Variants in NEBL observed in about 807,000 individuals in gnomAD.
The protein encoded by NEBL is nebulette, also known as LIM and SH3 protein 2.
Under a neutral mutation model 140.2 loss-of-function variants are expected in NEBL, and 122 were observed. The observed-to-expected ratio is 0.87, with a 90% confidence interval of 0.75 to 1.01. The LOEUF (loss-of-function observed/expected upper bound fraction) is 1.01, where lower values mean the gene tolerates loss of function less well. Ranked by LOEUF, NEBL falls within the 50% of genes least tolerant of loss-of-function variation. The pLI is 0.00. For missense variants in NEBL, 1,365 were observed against 1,231.3 expected, an observed-to-expected ratio of 1.11 and a Z score of -1.62; for synonymous variants, 436 against 398.9, an observed-to-expected ratio of 1.09 and a Z score of -1.11.
chr10:20,803,653 CTG>C, intron 26 of NEBL, among the ~76,000 whole-genome samples: 2 of 152,012 alleles, frequency 1.3e-5, no homozygotes, highest in Middle Eastern at 3.4e-3. Context: ...ATATGATTGA[CTG>C]TTACTGTTAA....
chr10:21,072,755 C>T (rs1835878040), intron 2 of NEBL, among the ~76,000 whole-genome samples: 1 of 152,196 alleles, frequency 6.6e-6, no homozygotes. Flanking sequence ...CTTTGGGAGG[C>T]TGAGGCCGGT....
At chr10:20,818,041 G>A (rs1234168374) in intron 20 of NEBL, among the ~76,000 whole-genome samples, 1 of 152,106 alleles carries the variant, frequency 6.6e-6, no homozygotes, top group Non-Finnish European at 1.5e-5. Context: ...TCCATTCCCT[G>A]TCACCCTAGA....
chr10:21,202,230 G>A (rs1226645618), intron 3 of NEBL, among the ~76,000 whole-genome samples: 1 of 151,936 alleles, frequency 6.6e-6, no homozygotes. Context: ...TAGATGATAG[G>A]TAATTTTAAA....
intron 2 of NEBL, chr10:21,070,111 G>T: frequency 7.6e-6 from 3 of 393,172 alleles, no homozygotes; most frequent in Non-Finnish European, 1.5e-5. Flanking sequence ...GCTGCAGGGG[G>T]ACTTTTCGGG....
intron 1 of NEBL, among the ~76,000 whole-genome samples, chr10:21,264,830 G>A (rs999279360): frequency 6.6e-6 from 1 of 150,524 alleles, no homozygotes; most frequent in Non-Finnish European, 1.5e-5. Context: ...AGCAGATTCA[G>A]TGTCTGGAAA....
At chr10:21,179,751 A>G (rs11012560), upstream of NEBL, among the ~76,000 whole-genome samples, 27,866 of 151,850 alleles carry the variant, frequency 0.18, 2,760 homozygotes, top group East Asian at 0.36. Flanking sequence ...AGATCAGAGA[A>G]AGAGATTTGA....
intron 2 of NEBL, among the ~76,000 whole-genome samples, chr10:21,105,371 G>A (rs576438407): frequency 6.6e-6 from 1 of 151,940 alleles, no homozygotes; most frequent in East Asian, 1.9e-4. Context: ...AGTGTGTGAT[G>A]TTTCCCACCC....
chr10:21,080,999 C>T (rs141761525), intron 2 of NEBL, among the ~76,000 whole-genome samples: 14,729 of 152,120 alleles, frequency 0.097, 780 homozygotes, highest in Non-Finnish European at 0.12. Flanking sequence ...GGTCTACAGG[C>T]ATGCACCACC....
Position 21,014,152 on chromosome 10 carries a change from C to T in NEBL, c.249+5965G>A, listed in dbSNP as rs2131748156. 2.6e-5 allele frequency among the ~76,000 whole-genome samples: 4 copies of T among 152,184 alleles called. No homozygotes were observed. In the South Asian group the frequency reaches 8.3e-4, roughly 32 times the overall value. ...ATTAATATTATTTTAGATTTAGGGT[C>T]TCACTCTGTCACCCAGGCTGGAGTG... On this transcript the variant is annotated intron_variant, in intron 3 of 6. Coordinates refer to the NEBL transcript ENST00000417816.
rs558716446 is a variant in NEBL at position 20,780,914 on chromosome 10, T to C, written c.*4833A>G. Reference sequence around the variant, plus strand: ...TTTAAACAAATATTAATGTTAATGATTAGGGTAGCCTTGAAGGGTTTGTGA... The same window carrying C: ...TTTAAACAAATATTAATGTTAATGACTAGGGTAGCCTTGAAGGGTTTGTGA... On this transcript the variant is annotated 3_prime_UTR_variant, in exon 28 of 28. Coordinates refer to ENST00000377122, the MANE Select transcript of NEBL (RefSeq NM_006393.3). The C allele has an allele frequency of 6.6e-6, 1 of 152,312 alleles. No homozygotes were observed. The highest frequency in any genetic ancestry group is 1.9e-4 in the East Asian group (1 of 5,186). The allele number at this position is 152,312 out of a possible 1,614,324, so 9.4% of individuals were successfully genotyped here. A position where few individuals can be genotyped will look rare whatever the true frequency, so the allele number is the denominator to read the frequency against.
chr10:20,991,776 C>G (rs1029544047), intron 3 of NEBL, among the ~76,000 whole-genome samples: 2 of 150,092 alleles, frequency 1.3e-5, no homozygotes, highest in Non-Finnish European at 3.0e-5. Context: ...CCCCCCCTCC[C>G]CTTTTTGGAA....
intron 1 of NEBL, among the ~76,000 whole-genome samples, chr10:21,276,090 C>A (rs571917332): frequency 7.0e-4 from 106 of 151,918 alleles, no homozygotes; most frequent in African/African-American, 2.5e-3. Flanking sequence ...CATGCCTCAG[C>A]CTCCTGAGTA....
chr10:20,923,666 CAAA>C lies in NEBL; in HGVS notation c.357+38003_357+38005del, dbSNP rs71390799. Among the ~76,000 whole-genome samples, 26 of 28,356 alleles carry C rather than the reference CAAA, an allele frequency of 9.2e-4. No individual in the cohort carries two copies. The South Asian group carries it at 0.012, about 13-fold the overall frequency. The allele number at this position is 28,356 out of a possible 152,430, so 18.6% of individuals were successfully genotyped here. A position where few individuals can be genotyped will look rare whatever the true frequency, so the allele number is the denominator to read the frequency against. On this transcript the variant is annotated intron_variant, in intron 4 of 6. Coordinates refer to the NEBL transcript ENST00000417816. Reference sequence around the variant, plus strand: ...TGCACTCCAGAGCAAGACTCCGTCTCAAAAAAAAAAAAAAAAAAAAAAAAAAAA... The same window carrying C: ...TGCACTCCAGAGCAAGACTCCGTCTCAAAAAAAAAAAAAAAAAAAAAAAAA...
At chr10:21,255,839 T>C (rs1049168486) in intron 1 of NEBL, among the ~76,000 whole-genome samples, 1 of 151,542 alleles carries the variant, frequency 6.6e-6, no homozygotes, top group African/African-American at 2.4e-5. Flanking sequence ...CTACTAAAAA[T>C]ACAAAAAATT....
At chr10:20,942,872 A>G (rs970782634) in intron 4 of NEBL, among the ~76,000 whole-genome samples, 2 of 152,250 alleles carry the variant, frequency 1.3e-5, no homozygotes, top group African/African-American at 4.8e-5. Context: ...AGAAATGCAA[A>G]TCAAAACCAC....
rs560902715 is a variant in NEBL, at chr10:21,155,004, G to A, written c.164+17379C>T. Among the ~76,000 whole-genome samples the A allele has an allele frequency of 7.2e-5, 11 of 152,240 alleles. 1 individual carries two copies. The South Asian group carries it at 2.3e-3, about 32-fold the overall frequency. On this transcript the variant is annotated intron_variant, in intron 2 of 6. Transcript: ENST00000417816. ...TCACGAGGTCAGGAGTTCGAGACCA[G>A]CCTGGCCAACATGGTGAAACCCCAT... is the stretch of plus-strand genomic sequence containing the variant.
intron 2 of NEBL, among the ~76,000 whole-genome samples, chr10:21,129,825 A>G (rs1282350091): frequency 6.6e-6 from 1 of 152,178 alleles, no homozygotes; most frequent in Non-Finnish European, 1.5e-5. Flanking sequence ...AGAGTATAAG[A>G]CAGAGAAACG....
chr10:21,272,430 A>C (rs1050650232), intron 1 of NEBL, among the ~76,000 whole-genome samples: 1 of 151,960 alleles, frequency 6.6e-6, no homozygotes, highest in African/African-American at 2.4e-5. Flanking sequence ...CAAAACCAAA[A>C]ATTTTTGAAT....
intron 14 of NEBL, among the ~76,000 whole-genome samples, chr10:20,834,653 C>A (rs188786668): frequency 2.0e-5 from 3 of 152,346 alleles, no homozygotes; most frequent in Admixed American, 6.5e-5. Flanking sequence ...GGATACTCCA[C>A]TGAAGCCCCC....
Sources: gnomAD v4.1 joint callset for allele counts (sites outside exome capture counted in the v4.1 genomes callset) on GRCh38, gnomAD v4.1.1 for gene constraint, MANE v1.5 for transcripts, NCBI Gene and HGNC (gene_info 2026-07-23, HGNC 2026-07-21) for gene names.